NELL1: variants seen among roughly 807,000 people sequenced by gnomAD.
NELL1 encodes neural EGFL like 1, also known as protein kinase C-binding protein NELL1.
In NELL1, 76 loss-of-function variants were observed where a neutral mutation model predicts 107.4. That is an observed-to-expected ratio of 0.71 (90% CI 0.59 to 0.86). The LOEUF is 0.86. NELL1 is among the 40% of genes least tolerant of loss of function. The probability of loss-of-function intolerance (pLI) is 0.00; values close to 1 mark genes in which losing one functional copy is unlikely to be tolerated. For synonymous variants in NELL1, 353 were observed against 341.2 expected (o/e 1.03, Z -0.38); for missense variants, 1,024 against 1,005.5 (o/e 1.02, Z -0.25).
chr11:21,089,665 G>A (rs1457786213), intron 12 of NELL1, among the ~76,000 whole-genome samples: 1 of 152,208 alleles, frequency 6.6e-6, no homozygotes, highest in African/African-American at 2.4e-5. Flanking sequence ...AGAAAGGAGA[G>A]TAAGTTTTAT....
chr11:21,215,051 C>T (rs1242007678), intron 13 of NELL1, among the ~76,000 whole-genome samples: 1 of 152,138 alleles, frequency 6.6e-6, no homozygotes, highest in African/African-American at 2.4e-5. Flanking sequence ...TGTGTCCCCA[C>T]CCAAATCTCA....
At position 20,785,454 on chromosome 11, in the gene NELL1, G is replaced by C. The variant is rs140201225; in HGVS notation, c.335+1624G>C. On this transcript the variant is annotated intron_variant, in intron 3 of 19. Transcript: ENST00000357134. The stretch of plus-strand genomic sequence containing the variant: ...GGATTGAGTGTCAAGGCAAGTCTCA[G>C]CTTCACAACCCTACCTTGCCCTATT... 6.4e-4 allele frequency among the ~76,000 whole-genome samples: 98 copies of C among 152,342 alleles called. No homozygotes were observed. The Middle Eastern group carries it at 0.014, about 21-fold the overall frequency.
At chr11:21,069,342 G>T (rs779298122) in intron 12 of NELL1, among the ~76,000 whole-genome samples, 9 of 152,182 alleles carry the variant, frequency 5.9e-5, no homozygotes, top group Admixed American at 1.3e-4. Context: ...CAACTCTTTT[G>T]AATGGTTTAT....
intron 8 of NELL1, among the ~76,000 whole-genome samples, chr11:20,928,062 G>A (rs1850537416): frequency 6.6e-6 from 1 of 152,182 alleles, no homozygotes; most frequent in South Asian, 2.1e-4. Flanking sequence ...TAGAGCCTCA[G>A]AAATGATTGA....
rs115976281 is a variant in NELL1 at position 21,085,863 on chromosome 11, G to A, written c.1301-27726G>A. Among the ~76,000 whole-genome samples the A allele has an allele frequency of 8.7e-3, 1,328 of 152,286 alleles. 24 individuals are homozygous for A. The highest frequency in any genetic ancestry group is 0.028 in the African/African-American group (1,166 of 41,562). The stretch of plus-strand genomic sequence containing the variant: ...ACGGGAAAGCAAAGGAGCATTTTAA[G>A]GAAGAGAGGGGTATGACCTGATTTA... On this transcript the variant is annotated intron_variant, in intron 12 of 19. Transcript: ENST00000357134.
intron 3 of NELL1, among the ~76,000 whole-genome samples, chr11:20,837,967 G>A (rs1033440459): frequency 6.6e-6 from 1 of 151,940 alleles, no homozygotes; most frequent in African/African-American, 2.4e-5. Flanking sequence ...AGCTCCACAG[G>A]GTGTCTTCCT....
intron 14 of NELL1, among the ~76,000 whole-genome samples, chr11:21,364,378 T>C (rs1180607132): frequency 8.2e-6 from 1 of 122,270 alleles, no homozygotes; most frequent in Non-Finnish European, 1.6e-5. Context: ...ACCATGGCAT[T>C]CCAGCCTGGG....
At chr11:21,170,148 A>G in intron 13 of NELL1, 2 of 662,950 alleles carry the variant, frequency 3.0e-6, no homozygotes, top group African/African-American at 1.8e-5. Context: ...GACTCCTTCA[A>G]TACATGACTG....
At chr11:21,248,904 T>C (rs1858565949) in intron 14 of NELL1, among the ~76,000 whole-genome samples, 2 of 152,126 alleles carry the variant, frequency 1.3e-5, no homozygotes, top group Non-Finnish European at 2.9e-5. Flanking sequence ...ATTTTTCTAC[T>C]GTGGGAGGGA....
chr11:21,320,008 A>G (rs1324762361), intron 14 of NELL1, among the ~76,000 whole-genome samples: 2 of 150,932 alleles, frequency 1.3e-5, no homozygotes, highest in Non-Finnish European at 2.9e-5. Flanking sequence ...AGAGTATAGG[A>G]ATTGGGGATA....
chr11:21,305,953 C>T (rs1371209247), intron 14 of NELL1, among the ~76,000 whole-genome samples: 2 of 151,958 alleles, frequency 1.3e-5, no homozygotes, highest in South Asian at 2.1e-4. Flanking sequence ...AGCCCATACT[C>T]GCAGTGAAAT....
At chr11:20,779,516 T>G (rs1020256637) in intron 2 of NELL1, among the ~76,000 whole-genome samples, 3 of 152,230 alleles carry the variant, frequency 2.0e-5, no homozygotes, top group African/African-American at 7.2e-5. Context: ...AAATACATAC[T>G]GTAGTGGTTG....
At chr11:21,097,685 A>G (rs944512643) in intron 12 of NELL1, among the ~76,000 whole-genome samples, 1 of 152,160 alleles carries the variant, frequency 6.6e-6, no homozygotes, top group Non-Finnish European at 1.5e-5. Context: ...GGCAAGGAAG[A>G]ATAAGAAAGT....
intron 13 of NELL1, among the ~76,000 whole-genome samples, chr11:21,146,827 T>G (rs893898090): frequency 6.6e-6 from 1 of 152,036 alleles, no homozygotes; most frequent in African/African-American, 2.4e-5. Flanking sequence ...GGGGATCATC[T>G]GAGGTCAGGA....
intron 10 of NELL1, among the ~76,000 whole-genome samples, chr11:20,944,954 T>G (rs1020650662): frequency 2.6e-5 from 4 of 152,204 alleles, no homozygotes; most frequent in Admixed American, 1.3e-4. Flanking sequence ...TTTTTAATAT[T>G]TTGTTTTTAC....
chr11:20,844,010 T>C (rs181674213), intron 3 of NELL1, among the ~76,000 whole-genome samples: 1 of 152,312 alleles, frequency 6.6e-6, no homozygotes, highest in East Asian at 1.9e-4. Flanking sequence ...TTTGCCTTCA[T>C]AACATTTTGT....
intron 1 of NELL1, chr11:20,674,412 G>T: frequency 8.8e-7 from 1 of 1,131,480 alleles, no homozygotes; most frequent in Non-Finnish European, 1.3e-6. Context: ...TAGTTTCCCC[G>T]AGTCCTCATG....
chr11:21,186,861 C>A (rs1016407733), intron 13 of NELL1, among the ~76,000 whole-genome samples: 1 of 151,808 alleles, frequency 6.6e-6, no homozygotes, highest in Non-Finnish European at 1.5e-5. Flanking sequence ...TTTCTACAAA[C>A]CCTCAATCTG....
chr11:21,249,611 A>G (rs1364665100), intron 14 of NELL1, among the ~76,000 whole-genome samples: 2 of 152,210 alleles, frequency 1.3e-5, no homozygotes, highest in African/African-American at 2.4e-5. Context: ...AAGTGCAGCA[A>G]TATACTTAGT....
Sources: gnomAD v4.1 joint callset for allele counts (sites outside exome capture counted in the v4.1 genomes callset) on GRCh38, gnomAD v4.1.1 for gene constraint, MANE v1.5 for transcripts, NCBI Gene and HGNC (gene_info 2026-07-23, HGNC 2026-07-21) for gene names.